PUM1: variants seen among roughly 807,000 people sequenced by gnomAD.
PUM1 encodes the protein pumilio RNA binding family member 1, also known as pumilio homolog 1.
PUM1 carries 13 observed loss-of-function variants against 131.8 expected under a neutral mutation model. The observed-to-expected ratio is 0.10, with a 90% CI of 0.06 to 0.16. The LOEUF (loss-of-function observed/expected upper bound fraction) is 0.16, where lower values mean the gene tolerates loss of function less well. Ranked by LOEUF, PUM1 falls within the 10% of genes least tolerant of loss-of-function variation. The probability of loss-of-function intolerance (pLI) is 1.00; values close to 1 mark genes in which losing one functional copy is unlikely to be tolerated. For missense variants in PUM1, 961 were observed against 1,512.4 expected, an observed-to-expected ratio of 0.64 and a Z score of 6.05; for synonymous variants, 509 against 556.5, an observed-to-expected ratio of 0.91 and a Z score of 1.20.
At chr1:30,967,078 C>T in intron 12 of PUM1, 89 bp downstream of exon 12, 1 of 1,527,562 alleles carries the variant, frequency 6.5e-7, no homozygotes, top group Non-Finnish European at 9.0e-7. Flanking sequence ...TGAGAATTGC[C>T]AAAAGTTTAT....
intron 18 of PUM1, among the ~76,000 whole-genome samples, chr1:30,944,678 T>C (rs1229553345): frequency 6.6e-6 from 1 of 152,200 alleles, no homozygotes; most frequent in Non-Finnish European, 1.5e-5. Context: ...ACCTACAACA[T>C]TAGTACCGTA....
intron 2 of PUM1, among the ~76,000 whole-genome samples, chr1:31,045,655 G>C (rs998388552): frequency 1.3e-5 from 2 of 152,096 alleles, no homozygotes; most frequent in Non-Finnish European, 2.9e-5. Context: ...CAAAAACCTA[G>C]AACAGTTTTC....
At chr1:31,050,446 T>C (rs1644080718) in intron 2 of PUM1, among the ~76,000 whole-genome samples, 2 of 151,672 alleles carry the variant, frequency 1.3e-5, no homozygotes, top group South Asian at 4.2e-4. Context: ...ATAGTGCCAG[T>C]GGGTGACAAA....
At chr1:31,002,035 CTAATGTT>C (rs1284133415) in intron 5 of PUM1, among the ~76,000 whole-genome samples, 2 of 152,088 alleles carry the variant, frequency 1.3e-5, no homozygotes, top group Admixed American at 6.6e-5. Flanking sequence ...AGTAAGACTT[CTAATGTT>C]TACAAAGCAT....
In PUM1 at chr1:30,932,208, T is replaced by G. The variant is rs1638993743; in HGVS notation, c.*1003A>C. 6.6e-6 allele frequency: 1 copy of G among 152,616 alleles called. No individual in the cohort carries two copies. The highest frequency in any genetic ancestry group is 2.4e-5 in the African/African-American group (1 of 41,448). 9.5% of individuals were successfully genotyped at this position (152,616 alleles called of 1,614,324 possible). ...TACCAAAAAACGTGTTTATGTTGAT[T>G]CAAACTTCTCCACATTTACATTACA... On this transcript the variant is annotated 3_prime_UTR_variant, in exon 22 of 22. Transcript: ENST00000426105.
intron 5 of PUM1, among the ~76,000 whole-genome samples, chr1:30,996,376 A>G (rs1406497295): frequency 6.6e-6 from 1 of 152,216 alleles, no homozygotes; most frequent in Non-Finnish European, 1.5e-5. Flanking sequence ...AGGACACAGC[A>G]GCAGACACTC....
At chr1:30,937,968 C>T (rs1351996737) in intron 20 of PUM1, among the ~76,000 whole-genome samples, 1 of 152,060 alleles carries the variant, frequency 6.6e-6, no homozygotes, top group African/African-American at 2.4e-5. Context: ...GACGGGGTTT[C>T]ACCATGTTGG....
intron 5 of PUM1, 34 bp downstream of exon 5, chr1:31,005,819 G>A (rs1053990017): frequency 1.6e-6 from 2 of 1,237,476 alleles, no homozygotes; most frequent in Non-Finnish European, 2.2e-6. Flanking sequence ...GAGAGAGAGA[G>A]AGAGATAGGA....
chr1:31,038,984 A>ATATATATATATATATTTTTTTTT, intron 2 of PUM1, among the ~76,000 whole-genome samples: 8 of 49,418 alleles, frequency 1.6e-4, no homozygotes, highest in African/African-American at 4.1e-4. Context: ...ATATATATAT[A>ATATATATATATATATTTTTTTTT]TTTTTTTTTT....
chr1:30,978,203 C>T (rs1641216843), intron 9 of PUM1, among the ~76,000 whole-genome samples: 1 of 152,026 alleles, frequency 6.6e-6, no homozygotes, highest in African/African-American at 2.4e-5. Context: ...GAGCCGAGAT[C>T]GCACCACTGA....
At chr1:30,970,290 A>C (rs996768082) in intron 10 of PUM1, among the ~76,000 whole-genome samples, 5 of 152,248 alleles carry the variant, frequency 3.3e-5, no homozygotes, top group African/African-American at 1.2e-4. Flanking sequence ...ATAACCAATT[A>C]AATATTTGTT....
intron 2 of PUM1, among the ~76,000 whole-genome samples, chr1:31,039,118 G>A (rs1366485129): frequency 6.8e-6 from 1 of 147,334 alleles, no homozygotes; most frequent in Non-Finnish European, 1.5e-5. Context: ...CACCTCAGCT[G>A]CCTGAGTAGC....
At position 30,933,034 on chromosome 1, in the gene PUM1, A is replaced by G. The variant is rs1639022648; in HGVS notation, c.*177T>C. On this transcript the variant is annotated 3_prime_UTR_variant, in exon 22 of 22. Coordinates refer to ENST00000426105, the MANE Select transcript of PUM1 (RefSeq NM_001020658.2). ...AGTACATGTTATGTGTAATAAAATTAAATTTACAAAGGCTTTTCCACTCGT... is the reference window on the plus strand; with the variant it reads ...AGTACATGTTATGTGTAATAAAATTGAATTTACAAAGGCTTTTCCACTCGT... The G allele has an allele frequency of 2.8e-6, 2 of 710,648 alleles. No individual in the cohort carries two copies. Among genetic ancestry groups the G allele is most frequent in the African/African-American group, 1.8e-5 (1 of 55,210 alleles). 44.0% of individuals were successfully genotyped at this position (710,648 alleles called of 1,614,324 possible).
Position 31,065,601 on chromosome 1 carries a change from G to A in PUM1, c.-12+15C>T. ...CCGGAGCAGCGTTTGGGGCCGGTGG[G>A]GTGCGGATACTCACGGGCGGAGCGG... On this transcript the variant is annotated intron_variant, in intron 1 of 21. Transcript: ENST00000426105. The A allele has an allele frequency of 1.3e-6, 2 of 1,544,912 alleles. No homozygotes were observed. Among genetic ancestry groups the A allele is most frequent in the Non-Finnish European group, 1.7e-6 (2 of 1,146,162 alleles).
chr1:30,991,648 G>T (rs1044565783), intron 7 of PUM1, among the ~76,000 whole-genome samples: 3 of 152,100 alleles, frequency 2.0e-5, no homozygotes, highest in Admixed American at 1.3e-4. Flanking sequence ...CCGCCACAAG[G>T]GAGAACTTAA....
chr1:31,049,825 T>A (rs1246408871), intron 2 of PUM1, among the ~76,000 whole-genome samples: 13 of 68,458 alleles, frequency 1.9e-4, no homozygotes, highest in African/African-American at 3.2e-4. Flanking sequence ...TGAACTTCCT[T>A]TTTTTTTTTT....
At chr1:31,052,023 T>C (rs964846178) in intron 2 of PUM1, among the ~76,000 whole-genome samples, 3 of 152,146 alleles carry the variant, frequency 2.0e-5, no homozygotes, top group Non-Finnish European at 2.9e-5. Flanking sequence ...AACTTTTTTT[T>C]TTCTTTGGAG....
rs569449446 is a variant in PUM1 at position 31,065,652 on chromosome 1, C to A, written c.-48G>T. 3.2e-6 allele frequency: 5 copies of A among 1,549,678 alleles called. No individual in the cohort carries two copies. The highest frequency in any genetic ancestry group is 3.5e-6 in the Non-Finnish European group (4 of 1,146,850). ...TAGGATGAAGATGGATTTCAGCCCC[C>A]CGATCTTCTCTCTCTGGCGCTCTCG... On this transcript the variant is annotated 5_prime_UTR_variant, in exon 1 of 22. Transcript: ENST00000426105.
chr1:30,944,963 G>T (rs1570096596), intron 18 of PUM1, among the ~76,000 whole-genome samples: 1 of 152,208 alleles, frequency 6.6e-6, no homozygotes, highest in African/African-American at 2.4e-5. Flanking sequence ...CAGGCACAGT[G>T]GCTCATGCCT....
Sources: allele counts gnomAD v4.1 joint callset (sites outside exome capture counted in the v4.1 genomes callset), GRCh38; gene constraint gnomAD v4.1.1; transcripts MANE v1.5; gene names NCBI Gene and HGNC (gene_info 2026-07-23, HGNC 2026-07-21).